Variants in CEP112 observed in about 807,000 individuals in gnomAD.
The protein encoded by CEP112 is centrosomal protein 112.
Under a neutral mutation model 153.0 loss-of-function variants are expected in CEP112, and 127 were observed. The observed-to-expected ratio is 0.83, with a 90% CI of 0.72 to 0.96. CEP112 has a LOEUF of 0.96. Among genes scored for constraint, CEP112 ranks in the 40% least tolerant of loss-of-function variants. CEP112 has a pLI of 0.00. For missense variants in CEP112, 1,089 were observed against 1,101.2 expected (o/e 0.99, Z 0.16); for synonymous variants, 358 against 374.4 (o/e 0.96, Z 0.51).
At chr17:66,122,172 G>T (rs1019717530) in intron 6 of CEP112, among the ~76,000 whole-genome samples, 1 of 151,964 alleles carries the variant, frequency 6.6e-6, no homozygotes, top group African/African-American at 2.4e-5. Context: ...GGGATTATAG[G>T]CATGAGCCAC....
At chr17:66,177,128 A>G in intron 2 of CEP112, 108 bp from the exon 3 acceptor site, 1 of 861,004 alleles carries the variant, frequency 1.2e-6, no homozygotes, top group Non-Finnish European at 1.8e-6. Context: ...GGACCAACAA[A>G]CCTTTTCTGT....
chr17:65,951,416 C>T (rs2061823960), intron 18 of CEP112, among the ~76,000 whole-genome samples: 1 of 152,074 alleles, frequency 6.6e-6, no homozygotes, highest in South Asian at 2.1e-4. Flanking sequence ...TATTATATTT[C>T]AATTCAGATT....
chr17:65,635,935 G>T lies in CEP112; in HGVS notation c.*36C>A, dbSNP rs1420957894. On this transcript the variant is annotated 3_prime_UTR_variant, in exon 27 of 27. Coordinates refer to ENST00000535342, the MANE Select transcript of CEP112 (RefSeq NM_001199165.4). ...CCTGCTGGAAGAAGTCCACAGCACA[G>T]CCTGGAAATTGCATCCGTTGCATTC... 3.8e-6 allele frequency: 6 copies of T among 1,594,000 alleles called. No homozygotes were observed. In the African/African-American group the frequency reaches 8.0e-5, roughly 21 times the overall value.
chr17:65,743,013 C>T (rs1354727478), intron 23 of CEP112, 55 bp downstream of exon 23: 4 of 1,448,888 alleles, frequency 2.8e-6, no homozygotes, highest in Non-Finnish European at 2.8e-6. Flanking sequence ...TTCAGCCCTC[C>T]TTTTAATTAC....
chr17:65,776,575 A>C (rs1446494039), intron 21 of CEP112, among the ~76,000 whole-genome samples: 1 of 152,146 alleles, frequency 6.6e-6, no homozygotes, highest in African/African-American at 2.4e-5. Context: ...TTTTTATTTG[A>C]GATACTGACA....
chr17:66,007,079 T>C (rs1223892368), intron 16 of CEP112, among the ~76,000 whole-genome samples: 1 of 152,228 alleles, frequency 6.6e-6, no homozygotes, highest in Non-Finnish European at 1.5e-5. Flanking sequence ...ATTTCTGCTC[T>C]CAGTGTTTTA....
chr17:66,077,826 CTG>C lies in CEP112; in HGVS notation c.769-7827_769-7826del, dbSNP rs2067559751. On this transcript the variant is annotated intron_variant, in intron 8 of 26. Coordinates refer to ENST00000535342, the MANE Select transcript of CEP112 (RefSeq NM_001199165.4). The stretch of plus-strand genomic sequence containing the variant: ...TAGATTATGAAGATTTTCTCCCACT[CTG>C]TGGGTTGTCTGTTTACCCTGCTGAC... Among the ~76,000 whole-genome samples the C allele has an allele frequency of 2.6e-5, 4 of 152,290 alleles. No individual in the cohort carries two copies. The South Asian group carries it at 8.3e-4, about 32-fold the overall frequency.
At chr17:65,866,272 C>T (rs78586378) in intron 20 of CEP112, among the ~76,000 whole-genome samples, 8,573 of 152,278 alleles carry the variant, frequency 0.056, 316 homozygotes, top group African/African-American at 0.095. Context: ...GCCGGTTGTG[C>T]GCACCCTCGA....
chr17:66,146,320 T>C (rs1433341136), intron 4 of CEP112, among the ~76,000 whole-genome samples: 2 of 152,074 alleles, frequency 1.3e-5, no homozygotes, highest in Non-Finnish European at 2.9e-5. Context: ...AGATTTCCCA[T>C]TTCTTGAGTC....
chr17:66,017,783 G>A (rs762071396), intron 16 of CEP112, among the ~76,000 whole-genome samples: 3 of 152,000 alleles, frequency 2.0e-5, no homozygotes, highest in Admixed American at 6.6e-5. Flanking sequence ...GGCAGATCAC[G>A]AGGTCAGGAG....
chr17:66,163,522 A>G (rs1363144550), intron 4 of CEP112, among the ~76,000 whole-genome samples: 1 of 152,124 alleles, frequency 6.6e-6, no homozygotes, highest in African/African-American at 2.4e-5. Flanking sequence ...AAAATCCACA[A>G]CATACTTATT....
chr17:65,961,397 A>G, intron 18 of CEP112, 66 bp downstream of exon 18: 5 of 1,406,770 alleles, frequency 3.6e-6, no homozygotes, highest in Non-Finnish European at 4.8e-6. Flanking sequence ...GTCATATTTA[A>G]GATGAGAATG....
In CEP112 at chr17:66,124,568, G is replaced by GA. The variant is rs35217387; in HGVS notation, c.642+5177dup. Among the ~76,000 whole-genome samples the GA allele has an allele frequency of 5.5e-4, 82 of 148,888 alleles. 1 individual carries two copies. Among genetic ancestry groups the GA allele is most frequent in the Middle Eastern group, 6.8e-3 (2 of 292 alleles). On this transcript the variant is annotated intron_variant, in intron 6 of 26. Transcript: ENST00000535342. Reference sequence around the variant, plus strand: ...CTGGTCTAGAGGCAGGGCCAAGAAAGAAAAAAAAAAATCCCCTCACATTCT... The same window carrying GA: ...CTGGTCTAGAGGCAGGGCCAAGAAAGAAAAAAAAAAAATCCCCTCACATTCT...
At position 65,961,634 on chromosome 17, in the gene CEP112, TA is replaced by T. The variant is rs761119232; in HGVS notation, c.1737-37del. 12 of 1,569,926 alleles carry T rather than the reference TA, an allele frequency of 7.6e-6. No individual in the cohort carries two copies. The South Asian group carries it at 1.4e-4, about 18-fold the overall frequency. ...TCAGAGAAGCTTCAGAGTTAAAATA[TA>T]AAAGAGCTAGGCCTGAATGAAAGAA... On this transcript the variant is annotated intron_variant, in intron 17 of 26. Coordinates refer to ENST00000535342, the MANE Select transcript of CEP112 (RefSeq NM_001199165.4).
intron 16 of CEP112, among the ~76,000 whole-genome samples, chr17:66,015,211 T>C (rs1370538047): frequency 1.3e-5 from 2 of 152,254 alleles, no homozygotes; most frequent in African/African-American, 2.4e-5. Flanking sequence ...TTTTCTTTTA[T>C]ATAATCTTGA....
intron 16 of CEP112, among the ~76,000 whole-genome samples, chr17:66,016,312 G>A (rs936116350): frequency 5.9e-5 from 9 of 151,990 alleles, no homozygotes; most frequent in African/African-American, 1.5e-4. Flanking sequence ...CTTGAACACC[G>A]TACACCACTC....
chr17:66,179,010 G>A (rs953699325), intron 2 of CEP112, among the ~76,000 whole-genome samples: 1 of 152,050 alleles, frequency 6.6e-6, no homozygotes, highest in African/African-American at 2.4e-5. Context: ...GTAAATGTAC[G>A]GATTTGTATC....
chr17:65,647,330 T>C (rs1364912044), intron 24 of CEP112, among the ~76,000 whole-genome samples: 2 of 151,838 alleles, frequency 1.3e-5, no homozygotes, highest in African/African-American at 2.4e-5. Flanking sequence ...TGCACCACCA[T>C]TCCTGGCTAA....
intron 4 of CEP112, among the ~76,000 whole-genome samples, chr17:66,167,477 G>T (rs1263367861): frequency 6.6e-6 from 1 of 151,970 alleles, no homozygotes. Flanking sequence ...TGAAACTGGG[G>T]TTTAGAGAAA....
Sources: gnomAD v4.1 joint callset for allele counts (sites outside exome capture counted in the v4.1 genomes callset) on GRCh38, gnomAD v4.1.1 for gene constraint, MANE v1.5 for transcripts, NCBI Gene and HGNC (gene_info 2026-07-23, HGNC 2026-07-21) for gene names.